Variants in AMPD3 observed in about 807,000 individuals in gnomAD.
AMPD3 encodes the protein adenosine monophosphate deaminase 3, also known as AMP deaminase 3.
In AMPD3, 57 loss-of-function variants were observed where a neutral mutation model predicts 82.3. The ratio of observed to expected loss-of-function variants is 0.69; its 90% CI spans 0.56 to 0.86. The LOEUF (loss-of-function observed/expected upper bound fraction) is 0.86. AMPD3 is among the 40% of genes least tolerant of loss of function. AMPD3 has a pLI of 0.00. For synonymous variants in AMPD3, 381 were observed against 394.7 expected (o/e 0.97, Z 0.41); for missense variants, 870 against 1,003.8 (o/e 0.87, Z 1.80).
intron 6 of AMPD3, 58 bp from the exon 7 acceptor site, chr11:10,493,291 A>C (rs1849293119): frequency 6.2e-7 from 1 of 1,600,114 alleles, no homozygotes; most frequent in African/African-American, 1.3e-5. Flanking sequence ...TGGATGTCTT[A>C]ACTCTTGTTG....
chr11:10,466,857 T>C (rs1048193077), intron 2 of AMPD3, among the ~76,000 whole-genome samples: 19 of 152,340 alleles, frequency 1.2e-4, no homozygotes, highest in African/African-American at 4.6e-4. Context: ...CAGGCAGCAG[T>C]CTTTGCTGTT....
At chr11:10,451,420 C>G (rs954870421), upstream of AMPD3, among the ~76,000 whole-genome samples, 1 of 152,228 alleles carries the variant, frequency 6.6e-6, no homozygotes, top group Non-Finnish European at 1.5e-5. Flanking sequence ...TACCTGGAGG[C>G]GAGGGATGCA....
intron 2 of AMPD3, among the ~76,000 whole-genome samples, chr11:10,472,131 A>T (rs377307947): frequency 6.6e-6 from 1 of 152,258 alleles, no homozygotes; most frequent in Non-Finnish European, 1.5e-5. Context: ...AGATGGGTTC[A>T]TGTCCTTTGC....
Position 10,484,949 on chromosome 11 carries a change from A to C in AMPD3, c.719A>C (p.His240Pro), listed in dbSNP as rs779934775. ...TATGATAACAAGAAGATGCTGGAGC[A>C]CCAGGAGCCGCACAGCCTACCCTAC... The part of the protein sequence containing the change: ...FVYDNKKMLE[H>P]QEPHSLPYPD... Residue 240 changes from histidine to proline, a missense_variant, in exon 5 of 15, where the codon CAC becomes CCC. By Grantham distance (77) the His-to-Pro change is moderately conservative. Transcript: ENST00000396553. 6.2e-7 allele frequency: 1 copy of C among 1,614,066 alleles called. No homozygotes were observed. The highest frequency in any genetic ancestry group is 8.5e-7 in the Non-Finnish European group (1 of 1,180,008).
At chr11:10,474,737 C>T (rs1483258163) in intron 2 of AMPD3, among the ~76,000 whole-genome samples, 1 of 152,234 alleles carries the variant, frequency 6.6e-6, no homozygotes, top group Non-Finnish European at 1.5e-5. Flanking sequence ...AGCCCTCAGG[C>T]TTGGCCTGGA....
chr11:10,495,342 C>A (rs1200860474), intron 8 of AMPD3: 1 of 985,360 alleles, frequency 1.0e-6, no homozygotes, highest in Non-Finnish European at 1.2e-6. Context: ...GGAGATGCTT[C>A]TGCTGTGGCC....
intron 2 of AMPD3, among the ~76,000 whole-genome samples, chr11:10,472,591 T>G (rs1345555989): frequency 6.6e-6 from 1 of 152,186 alleles, no homozygotes; most frequent in African/African-American, 2.4e-5. Flanking sequence ...GCTAAAGTGT[T>G]GCTAAGTCAC....
intron 4 of AMPD3, chr11:10,484,283 CTCTGGGGGAGA>C: frequency 1.0e-6 from 1 of 985,382 alleles, no homozygotes; most frequent in Non-Finnish European, 1.2e-6. Flanking sequence ...GCATTCTCTG[CTCTGGGGGAGA>C]CAAGTTCCCT....
intron 2 of AMPD3, among the ~76,000 whole-genome samples, chr11:10,463,262 T>C (rs987274158): frequency 4.6e-5 from 7 of 152,166 alleles, no homozygotes; most frequent in African/African-American, 1.7e-4. Context: ...AGTTGACTAC[T>C]GGTGTAAAGG....
Position 10,455,386 on chromosome 11 carries a change from G to A in AMPD3, c.-68G>A, listed in dbSNP as rs1848064028. The A allele has an allele frequency of 2.0e-6, 2 of 985,342 alleles. No individual in the cohort carries two copies. The highest frequency in any genetic ancestry group is 1.7e-5 in the African/African-American group (1 of 57,206). 61.0% of individuals were successfully genotyped at this position (985,342 alleles called of 1,614,324 possible). ...TTGAGGCAGGCTCCACCTTCCCCAGGAGGAGTGGCAGAGTCCAGCCAGCGC... is the reference window on the plus strand; with the variant it reads ...TTGAGGCAGGCTCCACCTTCCCCAGAAGGAGTGGCAGAGTCCAGCCAGCGC... On this transcript the variant is annotated 5_prime_UTR_variant, in exon 1 of 15. Transcript: ENST00000396553.
At chr11:10,488,167 G>C in intron 6 of AMPD3, 2 of 979,930 alleles carry the variant, frequency 2.0e-6, no homozygotes, top group Non-Finnish European at 2.4e-6. Flanking sequence ...GGCAGTCTCC[G>C]CCTGCAGGGG....
chr11:10,502,475 A>G, intron 12 of AMPD3: 2 of 985,452 alleles, frequency 2.0e-6, no homozygotes, highest in Non-Finnish European at 2.4e-6. Context: ...AAGAATGAGC[A>G]CTTCCAACAG....
chr11:10,469,211 T>C (rs1303680529), intron 2 of AMPD3, among the ~76,000 whole-genome samples: 8 of 151,690 alleles, frequency 5.3e-5, no homozygotes, highest in African/African-American at 1.9e-4. Context: ...GGAGCTGTTT[T>C]TTTTTTGAAA....
Position 10,461,499 on chromosome 11 carries a change from G to T in AMPD3, c.-5-16G>T. 6.2e-7 allele frequency: 1 copy of T among 1,614,154 alleles called. No individual in the cohort carries two copies. The highest frequency in any genetic ancestry group is 8.5e-7 in the Non-Finnish European group (1 of 1,180,032). On this transcript the variant is annotated splice_polypyrimidine_tract_variant and intron_variant, in intron 1 of 14. Coordinates refer to ENST00000396553, the MANE Select transcript of AMPD3 (RefSeq NM_001025389.2). The stretch of plus-strand genomic sequence containing the variant: ...TCAGGGCATCCTGCAATTCATGCTT[G>T]TTCTTTCTTTGCTAGCTGAGATGCC...
At position 10,488,423 on chromosome 11, in the gene AMPD3, G is replaced by A. The variant is rs895697952; in HGVS notation, c.939+1059G>A. 25 of 985,066 alleles carry A rather than the reference G, an allele frequency of 2.5e-5. No homozygotes were observed. In the African/African-American group the frequency reaches 4.2e-4, roughly 17 times the overall value. 61.0% of individuals were successfully genotyped at this position (985,066 alleles called of 1,614,324 possible). ...GGGAATGGAAGTGGTGGCATTCCAG[G>A]TAGAGGCACGTGATGTGCAAATGTC... On this transcript the variant is annotated intron_variant, in intron 6 of 14. Coordinates refer to ENST00000396553, the MANE Select transcript of AMPD3 (RefSeq NM_001025389.2).
intron 7 of AMPD3, 53 bp from the exon 8 acceptor site, chr11:10,494,845 AC>A (rs1849343864): frequency 7.6e-6 from 12 of 1,586,368 alleles, no homozygotes; most frequent in Non-Finnish European, 9.5e-6. Context: ...AGAGAGGGGA[AC>A]GTGCATGGTG....
chr11:10,504,460 A>G (rs141565075), intron 13 of AMPD3, 89 bp from the exon 14 acceptor site: 3 of 1,310,092 alleles, frequency 2.3e-6, no homozygotes, highest in East Asian at 2.3e-5. Context: ...TTAAACCCGC[A>G]GTGTCTGATG....
chr11:10,493,775 C>T (rs1437433369), intron 7 of AMPD3: 2 of 595,062 alleles, frequency 3.4e-6, no homozygotes, highest in Non-Finnish European at 6.0e-6. Context: ...ACTAATCCCA[C>T]TCCTGCCACT....
intron 11 of AMPD3, chr11:10,500,631 G>A (rs756311985): frequency 1.8e-5 from 18 of 985,318 alleles, no homozygotes; most frequent in Non-Finnish European, 2.0e-5. Context: ...ACACATGCAC[G>A]GTCACTTACT....
Sources: allele counts gnomAD v4.1 joint callset (sites outside exome capture counted in the v4.1 genomes callset), GRCh38; gene constraint gnomAD v4.1.1; transcripts MANE v1.5; gene names NCBI Gene and HGNC (gene_info 2026-07-23, HGNC 2026-07-21).